Variants in CLIP2 observed in about 807,000 individuals in gnomAD.
CLIP2 encodes CAP-Gly domain containing linker protein 2.
Under a neutral mutation model 111.7 loss-of-function variants are expected in CLIP2, and 41 were observed. The ratio of observed to expected loss-of-function variants is 0.37; its 90% CI spans 0.29 to 0.48. The LOEUF (loss-of-function observed/expected upper bound fraction) is 0.48. Ranked by LOEUF, CLIP2 falls within the 20% of genes least tolerant of loss-of-function variation. The probability of loss-of-function intolerance (pLI) is 0.99; values close to 1 mark genes in which losing one functional copy is unlikely to be tolerated. For missense variants in CLIP2, 1,160 were observed against 1,422.1 expected (o/e 0.82, Z 2.96); for synonymous variants, 660 against 644.2 (o/e 1.02, Z -0.37).
intron 1 of CLIP2, among the ~76,000 whole-genome samples, chr7:74,290,785 A>G (rs1787993261): frequency 7.0e-6 from 1 of 143,574 alleles, no homozygotes; most frequent in African/African-American, 2.9e-5. Flanking sequence ...TGTAAATGTA[A>G]ACAATAAGCC....
intron 13 of CLIP2, among the ~76,000 whole-genome samples, chr7:74,393,793 T>C (rs1474584855): frequency 6.6e-6 from 1 of 152,220 alleles, no homozygotes; most frequent in Non-Finnish European, 1.5e-5. Context: ...ACTGTAGCCC[T>C]GCCCAGGAAG....
chr7:74,347,119 G>A (rs1236639508), intron 3 of CLIP2, among the ~76,000 whole-genome samples: 1 of 152,010 alleles, frequency 6.6e-6, no homozygotes, highest in Non-Finnish European at 1.5e-5. Context: ...ATGACTACTC[G>A]TTGCCTGGTG....
intron 13 of CLIP2, among the ~76,000 whole-genome samples, chr7:74,394,841 C>T (rs1554316432): frequency 5.3e-5 from 8 of 152,160 alleles, no homozygotes; most frequent in Non-Finnish European, 5.9e-5. Flanking sequence ...CCAGGGCTGC[C>T]CTCCCTCCCC....
At chr7:74,293,267 C>T (rs963255919) in intron 1 of CLIP2, among the ~76,000 whole-genome samples, 2 of 152,158 alleles carry the variant, frequency 1.3e-5, no homozygotes, top group South Asian at 2.1e-4. Context: ...GGCGACCTGG[C>T]CCCCCGGGAC....
intron 8 of CLIP2, among the ~76,000 whole-genome samples, chr7:74,368,543 A>AAAAT (rs1282363503): frequency 1.3e-5 from 2 of 151,052 alleles, no homozygotes; most frequent in South Asian, 4.2e-4. Flanking sequence ...TAAATAAATA[A>AAAAT]AAATAAATAA....
chr7:74,337,148 A>G (rs1036534608), intron 2 of CLIP2, among the ~76,000 whole-genome samples: 1 of 151,840 alleles, frequency 6.6e-6, no homozygotes, highest in Non-Finnish European at 1.5e-5. Context: ...TCAGCCTCCC[A>G]AAGTGCTGGG....
At chr7:74,331,154 C>T (rs967678572) in intron 2 of CLIP2, among the ~76,000 whole-genome samples, 12 of 131,902 alleles carry the variant, frequency 9.1e-5, no homozygotes, top group Non-Finnish European at 1.7e-4. Flanking sequence ...TGCAGTGAGC[C>T]GAGATCATGC....
chr7:74,337,857 A>G (rs1322789580), intron 2 of CLIP2, among the ~76,000 whole-genome samples: 2 of 151,930 alleles, frequency 1.3e-5, no homozygotes, highest in African/African-American at 4.8e-5. Context: ...CGGCCTCCCA[A>G]AGTGCTGGGA....
intron 8 of CLIP2, among the ~76,000 whole-genome samples, chr7:74,371,771 A>C (rs781997696): frequency 4.6e-5 from 7 of 151,344 alleles, no homozygotes; most frequent in Non-Finnish European, 8.8e-5. Context: ...AGAAGGAGAG[A>C]GGAGGGGAGA....
At chr7:74,354,043 C>G (rs1332485941) in intron 4 of CLIP2, 39 bp downstream of exon 4, 2 of 1,583,946 alleles carry the variant, frequency 1.3e-6, no homozygotes, top group Non-Finnish European at 1.7e-6. Context: ...GGAGGGGGCT[C>G]CTCTCCCCAG....
At chr7:74,388,921 A>G (rs1402283148) in intron 12 of CLIP2, 182 bp from the exon 13 acceptor site, 1 of 595,758 alleles carries the variant, frequency 1.7e-6, no homozygotes, top group African/African-American at 1.9e-5. Context: ...GTGCCACTGT[A>G]CTCCAGTCTG....
intron 3 of CLIP2, among the ~76,000 whole-genome samples, chr7:74,351,015 G>GAAA (rs1789974973): frequency 1.4e-5 from 1 of 72,930 alleles, no homozygotes. Flanking sequence ...AAAGAAAGAA[G>GAAA]GAAGGAAAGG....
At chr7:74,309,044 T>A (rs1224567766) in intron 1 of CLIP2, among the ~76,000 whole-genome samples, 1 of 151,824 alleles carries the variant, frequency 6.6e-6, no homozygotes, top group African/African-American at 2.4e-5. Context: ...CATTTTGTAT[T>A]ATTTTGTAGA....
chr7:74,313,699 C>T (rs1052963209), intron 1 of CLIP2, among the ~76,000 whole-genome samples: 1 of 91,150 alleles, frequency 1.1e-5, no homozygotes, highest in African/African-American at 2.7e-5. Flanking sequence ...CAGGATGGCC[C>T]CTGCAGCTTC....
intron 1 of CLIP2, among the ~76,000 whole-genome samples, chr7:74,308,413 T>C (rs910963454): frequency 3.3e-5 from 5 of 152,210 alleles, no homozygotes; most frequent in African/African-American, 1.2e-4. Flanking sequence ...CTGAGTGCTA[T>C]GTCCTAAGGA....
chr7:74,326,037 G>A (rs1789096543), intron 2 of CLIP2, among the ~76,000 whole-genome samples: 2 of 151,786 alleles, frequency 1.3e-5, no homozygotes, highest in African/African-American at 2.4e-5. Context: ...TCAGGAGTTC[G>A]AGACCAGCCT....
intron 2 of CLIP2, among the ~76,000 whole-genome samples, chr7:74,320,929 C>T (rs1388548572): frequency 4.1e-5 from 6 of 145,686 alleles, no homozygotes; most frequent in Non-Finnish European, 9.2e-5. Context: ...CCCAGCCCAA[C>T]CCTGGGGCTG....
intron 8 of CLIP2, among the ~76,000 whole-genome samples, chr7:74,366,841 G>A (rs934739478): frequency 6.3e-5 from 9 of 142,462 alleles, no homozygotes; most frequent in East Asian, 6.2e-4. Context: ...GCGCCACTGC[G>A]CTTCAGCCTG....
intron 2 of CLIP2, among the ~76,000 whole-genome samples, chr7:74,333,069 C>T (rs1030081164): frequency 4.6e-5 from 7 of 152,204 alleles, no homozygotes; most frequent in Non-Finnish European, 7.3e-5. Flanking sequence ...CACCCTGCAC[C>T]GTGTCCTTAG....
Sources: allele counts gnomAD v4.1 joint callset (sites outside exome capture counted in the v4.1 genomes callset), GRCh38; gene constraint gnomAD v4.1.1; transcripts MANE v1.5; gene names NCBI Gene and HGNC (gene_info 2026-07-23, HGNC 2026-07-21).